The following ULK4 variants were observed in gnomAD, a reference collection of about 807,000 sequenced individuals.
ULK4 encodes inactive serine/threonine-protein kinase ULK4.
ULK4 carries 133 observed loss-of-function variants against 160.6 expected under a neutral mutation model. The observed-to-expected ratio is 0.83, with a 90% CI of 0.72 to 0.96. The LOEUF (loss-of-function observed/expected upper bound fraction) is 0.96, where lower values mean the gene tolerates loss of function less well. ULK4 is among the 40% of genes least tolerant of loss of function. The pLI, the probability that ULK4 is intolerant of heterozygous loss-of-function variation, is 0.00. For synonymous variants in ULK4, 534 were observed against 539.8 expected (o/e 0.99, Z 0.15); for missense variants, 1,580 against 1,499.5 (o/e 1.05, Z -0.89).
At chr3:41,858,826 TAGAA>T (rs2042433911) in intron 17 of ULK4, among the ~76,000 whole-genome samples, 1 of 150,322 alleles carries the variant, frequency 6.7e-6, no homozygotes, top group South Asian at 2.1e-4. Flanking sequence ...TTCCCCCCCA[TAGAA>T]AGCAGAAAAA....
intron 31 of ULK4, among the ~76,000 whole-genome samples, chr3:41,576,935 G>C (rs889304971): frequency 1.3e-5 from 2 of 152,034 alleles, no homozygotes; most frequent in Non-Finnish European, 2.9e-5. Flanking sequence ...CCACACGAAA[G>C]AAAGAAAATA....
intron 31 of ULK4, among the ~76,000 whole-genome samples, chr3:41,566,355 C>T (rs757809555): frequency 8.5e-5 from 13 of 152,194 alleles, no homozygotes; most frequent in Non-Finnish European, 1.0e-4. Context: ...TGCTGCAGCA[C>T]AGACTTCCCT....
At chr3:41,871,017 C>T (rs1697069872) in intron 17 of ULK4, among the ~76,000 whole-genome samples, 1 of 152,176 alleles carries the variant, frequency 6.6e-6, no homozygotes, top group Non-Finnish European at 1.5e-5. Context: ...ACTCAGCACT[C>T]ATTCTCTCCT....
At chr3:41,710,324 G>A (rs543994829) in intron 25 of ULK4, among the ~76,000 whole-genome samples, 35 of 152,124 alleles carry the variant, frequency 2.3e-4, no homozygotes, top group African/African-American at 8.2e-4. Context: ...GTGAGAGTGA[G>A]GACGGGGTAG....
chr3:41,790,027 A>G (rs1255221163), intron 20 of ULK4, among the ~76,000 whole-genome samples, 184 bp from the exon 21 acceptor site: 1 of 152,252 alleles, frequency 6.6e-6, no homozygotes, highest in South Asian at 2.1e-4. Flanking sequence ...CTGCCTGCCA[A>G]TAAAAGCTAA....
intron 17 of ULK4, chr3:41,859,704 C>G: frequency 2.7e-6 from 1 of 369,950 alleles, no homozygotes; most frequent in Non-Finnish European, 5.2e-6. Flanking sequence ...TTCACCCAGG[C>G]TGGAGTGCAG....
At chr3:41,665,009 A>G (rs1203018240) in intron 29 of ULK4, among the ~76,000 whole-genome samples, 1 of 151,526 alleles carries the variant, frequency 6.6e-6, no homozygotes, top group Non-Finnish European at 1.5e-5. Context: ...CTCAATAAAC[A>G]AGCATCAAAT....
chr3:41,767,638 AG>A (rs1260488993), intron 21 of ULK4, among the ~76,000 whole-genome samples: 1 of 152,202 alleles, frequency 6.6e-6, no homozygotes, highest in Non-Finnish European at 1.5e-5. Context: ...GCAAAAAAAA[AG>A]AATTCACTTT....
At chr3:41,841,310 G>A (rs533222302) in intron 17 of ULK4, among the ~76,000 whole-genome samples, 228 of 143,058 alleles carry the variant, frequency 1.6e-3, no homozygotes, top group Non-Finnish European at 2.1e-3. Flanking sequence ...CTGCCCGGCC[G>A]CCCCGTCTGG....
intron 35 of ULK4, among the ~76,000 whole-genome samples, chr3:41,368,239 T>C (rs1396276232): frequency 1.3e-5 from 2 of 151,920 alleles, no homozygotes; most frequent in African/African-American, 2.4e-5. Context: ...TCAGTAGAGA[T>C]GGGGTTTCAC....
intron 35 of ULK4, among the ~76,000 whole-genome samples, chr3:41,280,131 C>T (rs1559502049): frequency 6.6e-6 from 1 of 152,104 alleles, no homozygotes; most frequent in Non-Finnish European, 1.5e-5. Flanking sequence ...TATATGCACC[C>T]AATACAGGAG....
In ULK4 at chr3:41,615,711, CACAAGTCTGTTAA is replaced by C; in HGVS notation, c.3072-7_3077del. 1 of 1,612,610 alleles carries C rather than the reference CACAAGTCTGTTAA, an allele frequency of 6.2e-7. No individual in the cohort carries two copies. Among genetic ancestry groups the C allele is most frequent in the Non-Finnish European group, 8.5e-7 (1 of 1,179,302 alleles). ...TGAGTGGGATCAGTTTGCTTTCTTC[CACAAGTCTGTTAA>C]AAACAAGAAAAAAAGATAAGTGCAC... is the stretch of plus-strand genomic sequence containing the variant. On this transcript the variant is annotated splice_acceptor_variant and splice_polypyrimidine_tract_variant and coding_sequence_variant and intron_variant, in exon 31 of 37. Transcript: ENST00000301831. LOFTEE classifies it high-confidence loss of function.
chr3:41,757,085 T>A (rs550867488), intron 21 of ULK4, among the ~76,000 whole-genome samples: 2 of 152,188 alleles, frequency 1.3e-5, no homozygotes, highest in South Asian at 2.1e-4. Context: ...CACATTTTTT[T>A]AATAAAGGGT....
chr3:41,881,514 AAAGT>A lies in ULK4; in HGVS notation c.1656+2356_1656+2359del, dbSNP rs1298843942. 5.9e-5 allele frequency among the ~76,000 whole-genome samples: 9 copies of A among 152,326 alleles called. No individual in the cohort carries two copies. The East Asian group carries it at 1.7e-3, about 29-fold the overall frequency. On this transcript the variant is annotated intron_variant, in intron 17 of 36. Coordinates refer to ENST00000301831, the MANE Select transcript of ULK4 (RefSeq NM_017886.4). The stretch of plus-strand genomic sequence containing the variant: ...AAAGTAATTACAGTTTTTGCCATTA[AAAGT>A]AATGAAATAAAGAACTAAAAAGTGT...
intron 35 of ULK4, among the ~76,000 whole-genome samples, chr3:41,380,704 G>C (rs1040521880): frequency 1.3e-5 from 2 of 152,120 alleles, no homozygotes; most frequent in African/African-American, 2.4e-5. Flanking sequence ...AGGCCCCCCA[G>C]GTCAGCCTTC....
At position 41,412,830 on chromosome 3, in the gene ULK4, G is replaced by C. The variant is rs80196067; in HGVS notation, c.3493-14566C>G. 2.6e-3 allele frequency among the ~76,000 whole-genome samples: 401 copies of C among 151,868 alleles called. 1 individual carries two copies. The highest frequency in any genetic ancestry group is 9.2e-3 in the African/African-American group (383 of 41,418). ...CCTGTCTCATCCTCTCAAAGTGCTG[G>C]GATTACAGGCATGAACCACTGTGCC... On this transcript the variant is annotated intron_variant, in intron 34 of 36. Transcript: ENST00000301831.
intron 35 of ULK4, among the ~76,000 whole-genome samples, chr3:41,280,130 C>T (rs1575389341): frequency 6.6e-6 from 1 of 152,094 alleles, no homozygotes; most frequent in African/African-American, 2.4e-5. Flanking sequence ...ATATATGCAC[C>T]CAATACAGGA....
chr3:41,376,872 T>G (rs1318963178), intron 35 of ULK4, among the ~76,000 whole-genome samples: 2 of 149,686 alleles, frequency 1.3e-5, no homozygotes, highest in Non-Finnish European at 2.9e-5. Flanking sequence ...TGGAAAAAAC[T>G]ACTTTCAAGT....
At chr3:41,377,758 A>T (rs1277521837) in intron 35 of ULK4, among the ~76,000 whole-genome samples, 1 of 148,352 alleles carries the variant, frequency 6.7e-6, no homozygotes. Context: ...AAATAGGAAC[A>T]CTTTTACACT....
Sources: allele counts gnomAD v4.1 joint callset (sites outside exome capture counted in the v4.1 genomes callset), GRCh38; gene constraint gnomAD v4.1.1; transcripts MANE v1.5; gene names NCBI Gene and HGNC (gene_info 2026-07-23, HGNC 2026-07-21).